The following PALS2 variants were observed in gnomAD, a reference collection of about 807,000 sequenced individuals.
PALS2 encodes the protein protein PALS2.
Under a neutral mutation model 61.6 loss-of-function variants are expected in PALS2, and 27 were observed. That is an observed-to-expected ratio of 0.44 (90% CI 0.32 to 0.60). PALS2 has a LOEUF of 0.60. Among genes scored for constraint, PALS2 ranks in the 20% least tolerant of loss-of-function variants. The pLI, the probability that PALS2 is intolerant of heterozygous loss-of-function variation, is 0.05. For missense variants in PALS2, 554 were observed against 639.4 expected (o/e 0.87, Z 1.44); for synonymous variants, 236 against 218.6 (o/e 1.08, Z -0.70).
Position 24,580,534 on chromosome 7 carries a change from A to T in PALS2, c.-3+6941A>T, listed in dbSNP as rs547251673. ...TCCCCATTGCTTTACTCTCTTGCAT[A>T]CTCTTCCCTCCTCTGCCTTCTTGTT... On this transcript the variant is annotated intron_variant, in intron 1 of 11. Transcript: ENST00000222644. 3.7e-4 allele frequency among the ~76,000 whole-genome samples: 57 copies of T among 152,046 alleles called. 1 individual carries two copies. The highest frequency in any genetic ancestry group is 9.2e-4 in the African/African-American group (38 of 41,460).
intron 1 of PALS2, among the ~76,000 whole-genome samples, chr7:24,576,377 A>G (rs1160656825): frequency 4.6e-5 from 7 of 152,200 alleles, no homozygotes; most frequent in Admixed American, 2.6e-4. Flanking sequence ...GGGCTTGACC[A>G]TATTCCTTCT....
Position 24,688,560 on chromosome 7 carries a change from G to A in PALS2, c.*946G>A, listed in dbSNP as rs1375564694. ...TCTGCAAATTTTAGTGATGTTTAGA[G>A]ATGCCTCTAAGTTTGCAGTTGGAGG... On this transcript the variant is annotated 3_prime_UTR_variant, in exon 12 of 12. Transcript: ENST00000222644. The A allele has an allele frequency of 2.0e-5, 3 of 152,072 alleles. No homozygotes were observed. Among genetic ancestry groups the A allele is most frequent in the Admixed American group, 2.0e-4 (3 of 15,272 alleles). The allele number at this position is 152,072 out of a possible 1,614,324, so 9.4% of individuals were successfully genotyped here. A position where few individuals can be genotyped will look rare whatever the true frequency, so the allele number is the denominator to read the frequency against.
Position 24,685,979 on chromosome 7 carries a change from C to T in PALS2, c.1447-1459C>T, listed in dbSNP as rs145908052. Among the ~76,000 whole-genome samples, 236 of 152,282 alleles carry T rather than the reference C, an allele frequency of 1.5e-3. 1 individual carries two copies. Among genetic ancestry groups the T allele is most frequent in the African/African-American group, 5.3e-3 (219 of 41,560 alleles). On this transcript the variant is annotated intron_variant, in intron 11 of 11. Coordinates refer to ENST00000222644, the MANE Select transcript of PALS2 (RefSeq NM_001303037.2). ...TTTGCATAACCAGTCGCCTGCTGTA[C>T]ATCTCCACTTGGATGTCTCACAGAC...
intron 5 of PALS2, among the ~76,000 whole-genome samples, chr7:24,657,167 A>G (rs553709365): frequency 1.3e-5 from 2 of 152,284 alleles, no homozygotes; most frequent in African/African-American, 2.4e-5. Flanking sequence ...TGTTACCAGT[A>G]TGGGGCTTTT....
chr7:24,683,732 T>G (rs1257668277), intron 11 of PALS2, among the ~76,000 whole-genome samples: 1 of 152,218 alleles, frequency 6.6e-6, no homozygotes, highest in African/African-American at 2.4e-5. Context: ...TGCTTCTTGC[T>G]AGACCTTTTT....
At chr7:24,624,321 A>G (rs1784645320) in intron 2 of PALS2, among the ~76,000 whole-genome samples, 1 of 152,184 alleles carries the variant, frequency 6.6e-6, no homozygotes, top group Non-Finnish European at 1.5e-5. Flanking sequence ...ATTATATGCT[A>G]AAGCTTAATG....
intron 1 of PALS2, chr7:24,597,112 G>A (rs901585527): frequency 1.3e-5 from 2 of 152,138 alleles, no homozygotes; most frequent in African/African-American, 4.8e-5. Flanking sequence ...GAGTCAGTGA[G>A]TAGTTTTCAA....
intron 9 of PALS2, among the ~76,000 whole-genome samples, chr7:24,668,943 G>A (rs1472209638): frequency 6.6e-6 from 1 of 152,198 alleles, no homozygotes; most frequent in Non-Finnish European, 1.5e-5. Context: ...CTCGTGGCAA[G>A]ATAGGCATTT....
chr7:24,620,438 C>T (rs1327533423), intron 1 of PALS2, among the ~76,000 whole-genome samples: 2 of 151,928 alleles, frequency 1.3e-5, no homozygotes, highest in South Asian at 2.1e-4. Context: ...ATTTCTTTGC[C>T]AGGACAAGGG....
intron 1 of PALS2, among the ~76,000 whole-genome samples, chr7:24,577,953 T>G (rs769872507): frequency 7.2e-5 from 11 of 152,188 alleles, no homozygotes; most frequent in Non-Finnish European, 1.2e-4. Context: ...TTGTTTTTGT[T>G]TTTGAGATAG....
intron 3 of PALS2, 129 bp downstream of exon 3, chr7:24,641,997 A>C: frequency 2.0e-6 from 2 of 995,380 alleles, no homozygotes; most frequent in Admixed American, 2.6e-5. Context: ...TGTAAATTCC[A>C]ACCTTGGTAT....
rs536832815 is a variant in PALS2 at position 24,693,967 on chromosome 7, C to G, written c.*6353C>G. ...ACAAGACGCATGCTTTTTTAAACCT[C>G]TAGTTTTTGAAGTAACTGTAGAAGA... On this transcript the variant is annotated 3_prime_UTR_variant, in exon 12 of 12. Transcript: ENST00000222644. 1.3e-5 allele frequency: 2 copies of G among 151,476 alleles called. No individual in the cohort carries two copies. Among genetic ancestry groups the G allele is most frequent in the Non-Finnish European group, 2.9e-5 (2 of 67,890 alleles). 9.4% of individuals were successfully genotyped at this position (151,476 alleles called of 1,614,324 possible).
intron 2 of PALS2, among the ~76,000 whole-genome samples, chr7:24,628,512 C>T (rs1230884848): frequency 6.6e-6 from 1 of 150,994 alleles, no homozygotes; most frequent in Non-Finnish European, 1.5e-5. Context: ...AGTTCTGGCC[C>T]AAGAGAAGGA....
At chr7:24,619,741 A>G (rs1252068646) in intron 1 of PALS2, among the ~76,000 whole-genome samples, 7 of 151,458 alleles carry the variant, frequency 4.6e-5, no homozygotes, top group Non-Finnish European at 1.0e-4. Context: ...AAAAAGAAAG[A>G]AAAAAGAATC....
At chr7:24,602,314 G>C (rs1783748730) in intron 1 of PALS2, among the ~76,000 whole-genome samples, 1 of 151,764 alleles carries the variant, frequency 6.6e-6, no homozygotes, top group African/African-American at 2.4e-5. Flanking sequence ...TTACCTATTT[G>C]TTTATTTTAA....
At chr7:24,638,691 T>C (rs1396760300) in intron 2 of PALS2, among the ~76,000 whole-genome samples, 1 of 152,204 alleles carries the variant, frequency 6.6e-6, no homozygotes, top group Non-Finnish European at 1.5e-5. Flanking sequence ...GAGGCTGATA[T>C]GAAAAAATCT....
chr7:24,681,491 A>G (rs1014753140), intron 11 of PALS2, among the ~76,000 whole-genome samples: 1 of 151,302 alleles, frequency 6.6e-6, no homozygotes, highest in Non-Finnish European at 1.5e-5. Flanking sequence ...TCTTACTATC[A>G]TCTACATGCA....
chr7:24,666,330 T>C (rs556499812), intron 8 of PALS2, among the ~76,000 whole-genome samples: 4 of 152,196 alleles, frequency 2.6e-5, no homozygotes, highest in African/African-American at 7.2e-5. Flanking sequence ...TTGGTTAAGA[T>C]TTTTGTTTGT....
chr7:24,623,961 T>C lies in PALS2; in HGVS notation c.117+177T>C. The stretch of plus-strand genomic sequence containing the variant: ...TGCAAAAATTAGACCATTTTTCTCT[T>C]TTCTACTCTGACTTTAAATACAGGA... On this transcript the variant is annotated intron_variant, in intron 2 of 11. Transcript: ENST00000222644. 4.7e-6 allele frequency: 5 copies of C among 1,062,064 alleles called. 1 individual carries two copies. Among genetic ancestry groups the C allele is most frequent in the South Asian group, 4.4e-5 (3 of 67,424 alleles). 65.8% of individuals were successfully genotyped at this position (1,062,064 alleles called of 1,614,324 possible).
Sources: gnomAD v4.1 joint callset for allele counts (sites outside exome capture counted in the v4.1 genomes callset) on GRCh38, gnomAD v4.1.1 for gene constraint, MANE v1.5 for transcripts, NCBI Gene and HGNC (gene_info 2026-07-23, HGNC 2026-07-21) for gene names.